Variants in VWA8 observed in about 807,000 individuals in gnomAD.
VWA8 encodes the protein von Willebrand factor A domain containing 8.
VWA8 carries 221 observed loss-of-function variants against 241.5 expected under a neutral mutation model. The observed-to-expected ratio is 0.91, with a 90% CI of 0.82 to 1.02. The LOEUF (loss-of-function observed/expected upper bound fraction) is 1.02. VWA8 is among the 50% of genes least tolerant of loss of function. VWA8 has a pLI of 0.00. For synonymous variants in VWA8, 852 were observed against 827.1 expected (o/e 1.03, Z -0.52); for missense variants, 2,322 against 2,328.7 (o/e 1.00, Z 0.06).
intron 4 of VWA8, among the ~76,000 whole-genome samples, chr13:41,893,686 C>T (rs1874960834): frequency 6.6e-6 from 1 of 152,046 alleles, no homozygotes; most frequent in African/African-American, 2.4e-5. Flanking sequence ...AAGTTCAAGA[C>T]CAGCCTGGCC....
chr13:41,937,720 C>T (rs1484078489), intron 2 of VWA8, among the ~76,000 whole-genome samples: 3 of 152,142 alleles, frequency 2.0e-5, no homozygotes, highest in Non-Finnish European at 2.9e-5. Flanking sequence ...CTTAATGATG[C>T]ATTTCTCAGA....
chr13:41,612,714 T>C (rs1235402578), intron 38 of VWA8, among the ~76,000 whole-genome samples: 1 of 152,170 alleles, frequency 6.6e-6, no homozygotes, highest in Non-Finnish European at 1.5e-5. Flanking sequence ...ACGTATAACT[T>C]GAGAACTTAG....
At chr13:41,599,667 A>G (rs762718848) in intron 40 of VWA8, among the ~76,000 whole-genome samples, 27 of 152,140 alleles carry the variant, frequency 1.8e-4, no homozygotes, top group Non-Finnish European at 3.7e-4. Context: ...AACTGGTTGA[A>G]CTAAATCTAC....
chr13:41,657,045 C>T (rs2044911390), intron 37 of VWA8, among the ~76,000 whole-genome samples: 1 of 152,082 alleles, frequency 6.6e-6, no homozygotes, highest in South Asian at 2.1e-4. Flanking sequence ...CCTTTGGCCA[C>T]AGTGATGGGT....
At chr13:41,751,722 A>G (rs751038786) in intron 21 of VWA8, among the ~76,000 whole-genome samples, 4 of 152,200 alleles carry the variant, frequency 2.6e-5, no homozygotes, top group Non-Finnish European at 4.4e-5. Flanking sequence ...TCATAAAGAA[A>G]CTATGACAGA....
chr13:41,810,315 G>T (rs1390339595), intron 17 of VWA8, among the ~76,000 whole-genome samples: 1 of 152,016 alleles, frequency 6.6e-6, no homozygotes, highest in East Asian at 1.9e-4. Flanking sequence ...TTGAAGAGAG[G>T]TCTGTGCTAC....
chr13:41,790,420 C>T (rs960017913), intron 17 of VWA8, among the ~76,000 whole-genome samples: 2 of 151,528 alleles, frequency 1.3e-5, no homozygotes, highest in Non-Finnish European at 2.9e-5. Context: ...GGTGTTGATC[C>T]CAAATATTTT....
intron 34 of VWA8, among the ~76,000 whole-genome samples, chr13:41,686,737 T>C (rs1019987939): frequency 3.3e-5 from 5 of 152,146 alleles, no homozygotes; most frequent in Non-Finnish European, 5.9e-5. Flanking sequence ...TCAAGTCCAC[T>C]GTATGTGACC....
intron 26 of VWA8, among the ~76,000 whole-genome samples, chr13:41,707,372 T>C (rs987940391): frequency 6.6e-6 from 1 of 152,222 alleles, no homozygotes. Flanking sequence ...TTTGGATCTT[T>C]CTAGGGGCAT....
intron 1 of VWA8, among the ~76,000 whole-genome samples, chr13:41,954,139 A>T (rs529784236): frequency 6.6e-6 from 1 of 151,584 alleles, no homozygotes; most frequent in African/African-American, 2.4e-5. Flanking sequence ...CACTTTCCTC[A>T]GTCATTTAAT....
chr13:41,568,469 T>G (rs1381389629), intron 44 of VWA8, 164 bp from the exon 45 acceptor site: 1 of 507,534 alleles, frequency 2.0e-6, no homozygotes, highest in Non-Finnish European at 3.5e-6. Context: ...CATTAAACAA[T>G]GAAAGGCTTG....
At chr13:41,891,645 A>G (rs893382895) in intron 4 of VWA8, 58 bp from the exon 5 acceptor site, 1 of 1,574,324 alleles carries the variant, frequency 6.4e-7, no homozygotes, top group African/African-American at 1.4e-5. Flanking sequence ...AGCTTGGCCT[A>G]ACATTACTTG....
chr13:41,855,207 T>C (rs1452337217), intron 12 of VWA8, among the ~76,000 whole-genome samples: 1 of 151,334 alleles, frequency 6.6e-6, no homozygotes, highest in Non-Finnish European at 1.5e-5. Flanking sequence ...ACAAATTCAT[T>C]GAGAAGGGCT....
At chr13:41,818,400 C>T (rs1022828666) in intron 15 of VWA8, among the ~76,000 whole-genome samples, 6 of 151,480 alleles carry the variant, frequency 4.0e-5, no homozygotes, top group East Asian at 2.0e-4. Flanking sequence ...GGTGAAACCC[C>T]GTCTCTACTA....
At chr13:41,658,685 T>C (rs1032049804) in intron 37 of VWA8, among the ~76,000 whole-genome samples, 24 of 152,312 alleles carry the variant, frequency 1.6e-4, no homozygotes, top group Admixed American at 1.5e-3. Flanking sequence ...GCCTCACAGT[T>C]GCCCAGCTTC....
Position 41,833,520 on chromosome 13 carries a change from C to T in VWA8, c.1437G>A (p.Ala479=), listed in dbSNP as rs142661823. 1,227 of 1,608,736 alleles carry T rather than the reference C, an allele frequency of 7.6e-4. 1 individual carries two copies. The African/African-American group carries it at 8.2e-3, about 11-fold the overall frequency. Residue 479 remains alanine, a synonymous_variant, in exon 13 of 45, where the codon GCG becomes GCA. Coordinates refer to ENST00000379310, the MANE Select transcript of VWA8 (RefSeq NM_015058.2). ...TGTATCTCTGCTGTAGCAGATCACG[C>T]GCTGTCATATCCTAAAACAAATCCC... ...EPIMLYQDMT[A]RDLLQQRYTL... is the part of the protein sequence containing the mutation.
chr13:41,810,876 C>T (rs1870434847), intron 17 of VWA8, among the ~76,000 whole-genome samples: 1 of 151,832 alleles, frequency 6.6e-6, no homozygotes, highest in African/African-American at 2.4e-5. Context: ...TCATGTACCC[C>T]ATAAATATAT....
chr13:41,808,768 C>T (rs1870336863), intron 17 of VWA8, among the ~76,000 whole-genome samples: 2 of 151,276 alleles, frequency 1.3e-5, no homozygotes, highest in Admixed American at 1.3e-4. Flanking sequence ...CAACTGGATA[C>T]AAGAGAGAAA....
At chr13:41,786,961 GGAAT>G (rs1245475636) in intron 18 of VWA8, among the ~76,000 whole-genome samples, 6 of 151,780 alleles carry the variant, frequency 4.0e-5, no homozygotes, top group African/African-American at 1.5e-4. Context: ...AGGTGGAAAT[GGAAT>G]GAATAAGAGG....
Sources: gnomAD v4.1 joint callset for allele counts (sites outside exome capture counted in the v4.1 genomes callset) on GRCh38, gnomAD v4.1.1 for gene constraint, MANE v1.5 for transcripts, NCBI Gene and HGNC (gene_info 2026-07-23, HGNC 2026-07-21) for gene names.